The following SENP1 variants were observed in gnomAD, a reference collection of about 807,000 sequenced individuals.
The protein encoded by SENP1 is sentrin-specific protease 1.
SENP1 carries 21 observed loss-of-function variants against 93.0 expected under a neutral mutation model. The observed-to-expected ratio is 0.23, with a 90% CI of 0.16 to 0.33. The LOEUF (loss-of-function observed/expected upper bound fraction) is 0.33. Among genes scored for constraint, SENP1 ranks in the 10% least tolerant of loss-of-function variants. The pLI is 1.00. For synonymous variants in SENP1, 256 were observed against 259.6 expected (o/e 0.99, Z 0.13); for missense variants, 591 against 758.7 (o/e 0.78, Z 2.60).
intron 13 of SENP1, among the ~76,000 whole-genome samples, chr12:48,052,307 C>T (rs1261847138): frequency 6.6e-6 from 1 of 152,172 alleles, no homozygotes; most frequent in African/African-American, 2.4e-5. Flanking sequence ...CATTTCACTA[C>T]CAGTAAAGTC....
chr12:48,061,641 C>T (rs1942966649), intron 13 of SENP1, among the ~76,000 whole-genome samples: 1 of 152,130 alleles, frequency 6.6e-6, no homozygotes, highest in Admixed American at 6.6e-5. Flanking sequence ...CTCCTGGCCT[C>T]AGGTGATCCT....
intron 13 of SENP1, among the ~76,000 whole-genome samples, chr12:48,057,443 C>T (rs893487033): frequency 2.7e-5 from 4 of 147,992 alleles, no homozygotes; most frequent in African/African-American, 7.4e-5. Flanking sequence ...TTGGTCAGGC[C>T]GGTCTCAAGT....
intron 10 of SENP1, among the ~76,000 whole-genome samples, chr12:48,066,571 G>C (rs919024617): frequency 2.6e-5 from 4 of 151,456 alleles, no homozygotes; most frequent in African/African-American, 9.7e-5. Context: ...GAGTGCAGTG[G>C]CGTGATCTCG....
chr12:48,056,463 T>TAA (rs1261715156), intron 13 of SENP1, among the ~76,000 whole-genome samples: 3 of 106,228 alleles, frequency 2.8e-5, no homozygotes, highest in African/African-American at 1.2e-4. Context: ...ACATATTACA[T>TAA]ATATAAATAT....
At chr12:48,104,538 C>T (rs1485437888) in intron 1 of SENP1, among the ~76,000 whole-genome samples, 1 of 152,180 alleles carries the variant, frequency 6.6e-6, no homozygotes, top group Non-Finnish European at 1.5e-5. Context: ...GCCGTAAACC[C>T]TAAGTGTTCA....
At chr12:48,084,452 T>G (rs968786172) in intron 5 of SENP1, among the ~76,000 whole-genome samples, 1 of 114,568 alleles carries the variant, frequency 8.7e-6, no homozygotes, top group African/African-American at 4.1e-5. Flanking sequence ...TTTGAGTTTT[T>G]TTTTTTTTTT....
chr12:48,094,238 G>A (rs117495046), intron 4 of SENP1, among the ~76,000 whole-genome samples: 8,944 of 152,162 alleles, frequency 0.059, 351 homozygotes, highest in Non-Finnish European at 0.093. Flanking sequence ...ACATTAGCCA[G>A]GCATGGTGGC....
intron 1 of SENP1, among the ~76,000 whole-genome samples, chr12:48,102,870 C>T (rs1946050354): frequency 1.3e-5 from 2 of 150,756 alleles, no homozygotes; most frequent in African/African-American, 4.9e-5. Flanking sequence ...GAGTAATTAT[C>T]TGATTACCTA....
At position 48,083,749 on chromosome 12, in the gene SENP1, T is replaced by A. The variant is rs1279946445; in HGVS notation, c.394A>T (p.Ser132Cys). Residue 132 changes from serine (S) to cysteine (C), a missense_variant, in exon 6 of 18, where the codon AGT becomes TGT. Physicochemically the swap from Ser to Cys is moderately radical, Grantham distance 112. Coordinates refer to ENST00000549518, the MANE Select transcript of SENP1 (RefSeq NM_001267594.2). ...TRKTSSGLSN[S>C]FAGKSNHHCH... The stretch of plus-strand genomic sequence containing the variant: ...TGATGGTTTGACTTTCCCGCAAAAC[T>A]GTTTGATAATCCACTAAAAAAAGAG... 3 of 1,602,586 alleles carry A rather than the reference T, an allele frequency of 1.9e-6. No homozygotes were observed. The Admixed American group carries it at 5.3e-5, about 28-fold the overall frequency.
At chr12:48,093,287 T>TG (rs1945328920) in intron 4 of SENP1, among the ~76,000 whole-genome samples, 1 of 136,232 alleles carries the variant, frequency 7.3e-6, no homozygotes, top group African/African-American at 2.7e-5. Flanking sequence ...GAGGTTTTTT[T>TG]TTTTTTTTTT....
Position 48,105,429 on chromosome 12 carries a change from T to C in SENP1, c.-45+599A>G, listed in dbSNP as rs747584037. Reference sequence around the variant, plus strand: ...GGAGGCGATGAGCCAGGTAAGCAAATTGTGGCAGTTAAGGGGATTTTCATA... The same window carrying C: ...GGAGGCGATGAGCCAGGTAAGCAAACTGTGGCAGTTAAGGGGATTTTCATA... On this transcript the variant is annotated intron_variant, in intron 1 of 17. Transcript: ENST00000549518. 9.6e-6 allele frequency: 5 copies of C among 518,716 alleles called. 1 individual carries two copies. In the Middle Eastern group the frequency reaches 1.6e-3, roughly 165 times the overall value. 32.1% of individuals were successfully genotyped at this position (518,716 alleles called of 1,614,324 possible).
chr12:48,079,327 G>A (rs762976062), intron 6 of SENP1, among the ~76,000 whole-genome samples: 13 of 151,826 alleles, frequency 8.6e-5, no homozygotes, highest in Non-Finnish European at 1.6e-4. Context: ...GTGAAACTCC[G>A]TCTCTACTGA....
chr12:48,100,572 T>C (rs1945855371), intron 2 of SENP1, among the ~76,000 whole-genome samples: 1 of 151,852 alleles, frequency 6.6e-6, no homozygotes. Flanking sequence ...GAGGCAGAGG[T>C]TGCAGTGAGC....
At chr12:48,097,044 T>TA (rs1217358365) in intron 3 of SENP1, among the ~76,000 whole-genome samples, 1 of 151,984 alleles carries the variant, frequency 6.6e-6, no homozygotes, top group South Asian at 2.1e-4. Context: ...GGAAAACACA[T>TA]AGACAATCTA....
chr12:48,063,643 G>T, intron 13 of SENP1, 67 bp downstream of exon 13: 1 of 1,514,104 alleles, frequency 6.6e-7, no homozygotes, highest in Non-Finnish European at 9.1e-7. Context: ...GAAAAAGTGA[G>T]ATAATGCCTT....
chr12:48,059,455 C>T (rs1466089280), intron 13 of SENP1, among the ~76,000 whole-genome samples: 1 of 149,914 alleles, frequency 6.7e-6, no homozygotes, highest in East Asian at 2.0e-4. Flanking sequence ...TAAAAAATAT[C>T]TTCCATTTCT....
At chr12:48,048,169 G>C in intron 14 of SENP1, 89 bp from the exon 15 acceptor site, 1 of 766,990 alleles carries the variant, frequency 1.3e-6, no homozygotes, top group South Asian at 1.6e-5. Context: ...GGAACCTTTT[G>C]CCAGACTTCC....
At chr12:48,103,576 A>G (rs891510339) in intron 1 of SENP1, among the ~76,000 whole-genome samples, 6 of 152,220 alleles carry the variant, frequency 3.9e-5, no homozygotes, top group African/African-American at 1.4e-4. Flanking sequence ...TTACATTGGG[A>G]GAAGGAATAT....
At position 48,044,357 on chromosome 12, in the gene SENP1, C is replaced by T. The variant is rs1352747075; in HGVS notation, c.*965G>A. The T allele has an allele frequency of 3.6e-5, 5 of 138,580 alleles. No homozygotes were observed. The highest frequency in any genetic ancestry group is 1.1e-4 in the African/African-American group (4 of 37,552). 8.6% of individuals were successfully genotyped at this position (138,580 alleles called of 1,614,324 possible). On this transcript the variant is annotated 3_prime_UTR_variant, in exon 18 of 18. Transcript: ENST00000549518. ...ATATCCCTGTGAAATTTTATACATA[C>T]ATATATATATATATATATGTATGTG...
Sources: allele counts gnomAD v4.1 joint callset (sites outside exome capture counted in the v4.1 genomes callset), GRCh38; gene constraint gnomAD v4.1.1; transcripts MANE v1.5; gene names NCBI Gene and HGNC (gene_info 2026-07-23, HGNC 2026-07-21).